The following RABGAP1L variants were observed in gnomAD, a reference collection of about 807,000 sequenced individuals.
RABGAP1L encodes RAB GTPase activating protein 1 like, also known as rab GTPase-activating protein 1-like.
RABGAP1L carries 63 observed loss-of-function variants against 137.7 expected under a neutral mutation model. That is an observed-to-expected ratio of 0.46 (90% CI 0.37 to 0.56). RABGAP1L has a LOEUF of 0.56. Among genes scored for constraint, RABGAP1L ranks in the 20% least tolerant of loss-of-function variants. The pLI is 0.00. For synonymous variants in RABGAP1L, 431 were observed against 433.7 expected, an observed-to-expected ratio of 0.99 and a Z score of 0.08; for missense variants, 1,095 against 1,244.0, an observed-to-expected ratio of 0.88 and a Z score of 1.80.
At chr1:174,423,742 A>G (rs1312219877) in intron 13 of RABGAP1L, among the ~76,000 whole-genome samples, 1 of 151,518 alleles carries the variant, frequency 6.6e-6, no homozygotes, top group Non-Finnish European at 1.5e-5. Flanking sequence ...TCCCTTTCTT[A>G]TAGGGAATGC....
intron 13 of RABGAP1L, among the ~76,000 whole-genome samples, chr1:174,589,583 T>C (rs1207674851): frequency 2.6e-5 from 4 of 152,208 alleles, no homozygotes; most frequent in Non-Finnish European, 5.9e-5. Flanking sequence ...GTTAGTTTCA[T>C]AGTTTGAGGA....
chr1:174,985,169 T>C (rs1671478404), intron 24 of RABGAP1L, among the ~76,000 whole-genome samples: 1 of 151,938 alleles, frequency 6.6e-6, no homozygotes, highest in Non-Finnish European at 1.5e-5. Flanking sequence ...ATCACTTGAG[T>C]CCAGGAGTTC....
intron 10 of RABGAP1L, among the ~76,000 whole-genome samples, chr1:174,299,090 T>C (rs563743196): frequency 6.6e-6 from 1 of 152,376 alleles, no homozygotes; most frequent in African/African-American, 2.4e-5. Context: ...GTTTGCAAAA[T>C]AGACTTTAGT....
intron 19 of RABGAP1L, among the ~76,000 whole-genome samples, chr1:174,833,582 A>G (rs2148921299): frequency 6.7e-6 from 1 of 148,324 alleles, no homozygotes; most frequent in East Asian, 2.0e-4. Flanking sequence ...CAGCCCAGTA[A>G]CAGAATTTAA....
At chr1:174,249,814 T>C (rs1672574456) in intron 5 of RABGAP1L, among the ~76,000 whole-genome samples, 1 of 152,106 alleles carries the variant, frequency 6.6e-6, no homozygotes, top group Non-Finnish European at 1.5e-5. Context: ...TGCTAATTTT[T>C]TGTATTTTTA....
chr1:174,223,419 G>C (rs1558045283), intron 3 of RABGAP1L, among the ~76,000 whole-genome samples: 1 of 144,538 alleles, frequency 6.9e-6, no homozygotes, highest in Non-Finnish European at 1.5e-5. Context: ...CTCCAACCTG[G>C]GCAACAGAGT....
At chr1:174,968,002 C>T (rs1280227988) in intron 20 of RABGAP1L, among the ~76,000 whole-genome samples, 2 of 150,370 alleles carry the variant, frequency 1.3e-5, no homozygotes, top group African/African-American at 4.9e-5. Flanking sequence ...CCTTTAACTT[C>T]TCTGACAGCC....
intron 14 of RABGAP1L, among the ~76,000 whole-genome samples, chr1:174,664,734 C>CTTTTTTTTTTTTTTTTTTTTTTTTTTTTT (rs71701825): frequency 1.0e-5 from 1 of 97,578 alleles, no homozygotes; most frequent in African/African-American, 5.2e-5. Context: ...TTTCTGCTTT[C>CTTTTTTTTTTTTTTTTTTTTTTTTTTTTT]TTTTTTTTTT....
chr1:174,733,801 C>T (rs893828903), intron 17 of RABGAP1L, among the ~76,000 whole-genome samples: 2 of 152,192 alleles, frequency 1.3e-5, no homozygotes, highest in Non-Finnish European at 2.9e-5. Flanking sequence ...GCTACTGTCA[C>T]TCTAGAGAAA....
chr1:174,240,419 G>A (rs965210388), intron 4 of RABGAP1L, among the ~76,000 whole-genome samples: 11 of 152,088 alleles, frequency 7.2e-5, no homozygotes, highest in Admixed American at 6.5e-5. Flanking sequence ...GCTGATTTTT[G>A]TATTTATCAG....
chr1:174,648,960 ATCT>A (rs1291395814), intron 14 of RABGAP1L, among the ~76,000 whole-genome samples: 4 of 152,024 alleles, frequency 2.6e-5, no homozygotes, highest in Middle Eastern at 3.4e-3. Flanking sequence ...TGTAATGCCC[ATCT>A]TTGACTTTTT....
chr1:174,442,151 A>G lies in RABGAP1L; in HGVS notation c.1710+48006A>G, dbSNP rs554116743. 7.1e-4 allele frequency among the ~76,000 whole-genome samples: 108 copies of G among 152,166 alleles called. 2 individuals are homozygous for G. The South Asian group carries it at 0.021, about 30-fold the overall frequency. On this transcript the variant is annotated intron_variant, in intron 13 of 25. Coordinates refer to ENST00000681986, the MANE Select transcript of RABGAP1L (RefSeq NM_001366446.1). ...CAATGGTTTGGTAGTAAAGCTTAGC[A>G]TTTAACTTTTCTTTACAAGGAATGT...
chr1:174,368,479 T>C lies in RABGAP1L; in HGVS notation c.1466-2500T>C, dbSNP rs574105529. Among the ~76,000 whole-genome samples, 8 of 152,358 alleles carry C rather than the reference T, an allele frequency of 5.3e-5. 1 individual carries two copies. In the South Asian group the frequency reaches 1.2e-3, roughly 24 times the overall value. On this transcript the variant is annotated intron_variant, in intron 11 of 25. Coordinates refer to ENST00000681986, the MANE Select transcript of RABGAP1L (RefSeq NM_001366446.1). ...AGGAAAACTAGGTATTATCAATTTT[T>C]ATACTCTCTGTCAATGTAATTGGTA...
At chr1:174,800,227 G>C (rs201064413) in intron 18 of RABGAP1L, 1 of 1,430,016 alleles carries the variant, frequency 7.0e-7, no homozygotes, top group Non-Finnish European at 9.1e-7. Flanking sequence ...AGACTGGCTT[G>C]TACGTCCTCC....
intron 18 of RABGAP1L, among the ~76,000 whole-genome samples, chr1:174,766,798 G>T (rs1255061670): frequency 2.0e-5 from 3 of 152,182 alleles, no homozygotes; most frequent in Non-Finnish European, 2.9e-5. Flanking sequence ...TTCAGCCCAT[G>T]ATGGGGGAAG....
At chr1:174,711,615 G>A (rs1680526639) in intron 17 of RABGAP1L, among the ~76,000 whole-genome samples, 1 of 152,194 alleles carries the variant, frequency 6.6e-6, no homozygotes, top group Admixed American at 6.5e-5. Context: ...TTCTCGCCAG[G>A]CCTTAGCTGC....
At chr1:174,864,426 C>G (rs1424059168) in intron 19 of RABGAP1L, among the ~76,000 whole-genome samples, 1 of 152,192 alleles carries the variant, frequency 6.6e-6, no homozygotes, top group Non-Finnish European at 1.5e-5. Context: ...GTTTAATTGA[C>G]TCACAGTTCA....
chr1:174,668,753 C>T (rs186533552), intron 14 of RABGAP1L, among the ~76,000 whole-genome samples: 54 of 152,176 alleles, frequency 3.5e-4, no homozygotes, highest in Non-Finnish European at 6.2e-4. Flanking sequence ...TCTTTTTCTC[C>T]ACATTCTTGC....
chr1:174,573,197 G>A (rs1450504990), intron 13 of RABGAP1L, among the ~76,000 whole-genome samples: 2 of 148,782 alleles, frequency 1.3e-5, no homozygotes, highest in Admixed American at 6.7e-5. Flanking sequence ...ATATGTGTGT[G>A]TATATATGTG....
Sources: gnomAD v4.1 joint callset for allele counts (sites outside exome capture counted in the v4.1 genomes callset) on GRCh38, gnomAD v4.1.1 for gene constraint, MANE v1.5 for transcripts, NCBI Gene and HGNC (gene_info 2026-07-23, HGNC 2026-07-21) for gene names.